KIAA0408: variants seen among roughly 807,000 people sequenced by gnomAD.
The protein encoded by KIAA0408 is uncharacterized protein KIAA0408.
KIAA0408 carries 51 observed loss-of-function variants against 60.9 expected under a neutral mutation model. The observed-to-expected ratio is 0.84, with a 90% CI of 0.67 to 1.06. KIAA0408 has a LOEUF of 1.06. Ranked by LOEUF, KIAA0408 falls within the 50% of genes least tolerant of loss-of-function variation. The pLI is 0.00. For missense variants in KIAA0408, 787 were observed against 833.9 expected (o/e 0.94, Z 0.69); for synonymous variants, 304 against 282.4 (o/e 1.08, Z -0.77).
In KIAA0408 at chr6:127,438,740, T is replaced by C. The variant is rs1773059297; in HGVS notation, c.*5369A>G. 1 of 152,198 alleles carries C rather than the reference T, an allele frequency of 6.6e-6. No individual in the cohort carries two copies. Among genetic ancestry groups the C allele is most frequent in the Non-Finnish European group, 1.5e-5 (1 of 68,038 alleles). 9.4% of individuals were successfully genotyped at this position (152,198 alleles called of 1,614,324 possible). The stretch of plus-strand genomic sequence containing the variant: ...ACATAGAAAAAGTATAGCAAAAATA[T>C]TGTATTATAATCTTATCATCATATA... On this transcript the variant is annotated 3_prime_UTR_variant, in exon 6 of 6. Coordinates refer to ENST00000483725, the MANE Select transcript of KIAA0408 (RefSeq NM_014702.5).
At chr6:127,445,866 A>G (rs1773182789) in intron 5 of KIAA0408, among the ~76,000 whole-genome samples, 1 of 152,108 alleles carries the variant, frequency 6.6e-6, no homozygotes, top group Non-Finnish European at 1.5e-5. Flanking sequence ...ATTTATATAT[A>G]CTATCTTTTA....
chr6:127,440,584 CCAAAGTGCTGGGATTACAGG>C lies in KIAA0408; in HGVS notation c.*3505_*3524del, dbSNP rs1310512540. The stretch of plus-strand genomic sequence containing the variant: ...CTCGTGATCCCCCCACCTTGGCCTC[CCAAAGTGCTGGGATTACAGG>C]CAAGAGCCACCGCGCCCACCAGTTC... On this transcript the variant is annotated 3_prime_UTR_variant, in exon 6 of 6. Coordinates refer to ENST00000483725, the MANE Select transcript of KIAA0408 (RefSeq NM_014702.5). 2 of 152,068 alleles carry C rather than the reference CCAAAGTGCTGGGATTACAGG, an allele frequency of 1.3e-5. No homozygotes were observed. The highest frequency in any genetic ancestry group is 1.5e-5 in the Non-Finnish European group (1 of 68,040). The allele number at this position is 152,068 out of a possible 1,614,324, so 9.4% of individuals were successfully genotyped here. A position where few individuals can be genotyped will look rare whatever the true frequency, so the allele number is the denominator to read the frequency against.
Position 127,440,348 on chromosome 6 carries a change from A to G in KIAA0408, c.*3761T>C, listed in dbSNP as rs1773085447. On this transcript the variant is annotated 3_prime_UTR_variant, in exon 6 of 6. Coordinates refer to ENST00000483725, the MANE Select transcript of KIAA0408 (RefSeq NM_014702.5). ...TCTTTTTTTTTTTTTTTTTTGAGAC[A>G]GAGTCTCACTCTGTCACCCAGGCTG... The G allele has an allele frequency of 7.2e-6, 1 of 138,306 alleles. No individual in the cohort carries two copies. The highest frequency in any genetic ancestry group is 2.3e-4 in the South Asian group (1 of 4,404). 8.6% of individuals were successfully genotyped at this position (138,306 alleles called of 1,614,324 possible). A position where few individuals can be genotyped will look rare whatever the true frequency, so the allele number is the denominator to read the frequency against.
rs186474406 is a variant in KIAA0408 at position 127,449,838 on chromosome 6, G to A, written c.562C>T (p.Arg188Trp). The part of the protein sequence containing the change: ...LCSFQEEIRK[R>W]SNHRRMKSDS... The stretch of plus-strand genomic sequence containing the variant: ...CCAGCCTACCTTCTATGGTTAGACC[G>A]CTTTCGAATTTCCTCTTGAAAGCTG... Residue 188 changes from arginine to tryptophan, a missense_variant, in exon 4 of 6, where the codon CGG (arginine) becomes TGG (tryptophan). Physicochemically the swap from Arg to Trp is moderately radical, Grantham distance 101. Transcript: ENST00000483725. 5.6e-6 allele frequency: 9 copies of A among 1,613,872 alleles called. 1 individual carries two copies. Among genetic ancestry groups the A allele is most frequent in the East Asian group, 4.5e-5 (2 of 44,872 alleles).
intron 2 of KIAA0408, chr6:127,450,601 T>G: frequency 2.6e-6 from 1 of 380,670 alleles, no homozygotes. Flanking sequence ...CAATCAATCA[T>G]TCAAAAATAA....
At position 127,446,694 on chromosome 6, in the gene KIAA0408, C is replaced by T. The variant is rs1158186418; in HGVS notation, c.1625G>A (p.Trp542Ter). The change falls in exon 5 of 6, where the codon TGG becomes TAG. Residue 542 changes from tryptophan (W) to a stop codon, truncating the protein, a stop_gained. Transcript: ENST00000483725. LOFTEE classifies it high-confidence loss of function. ...SYRNMLHEHDWRPSNLSGRPR... is the reference protein window; with the variant it reads ...SYRNMLHEHD Reference sequence around the variant, plus strand: ...ACGGCCAGACAAATTACTCGGTCTCCAGTCATGCTCGTGGAGCATATTTCG... The same window carrying T: ...ACGGCCAGACAAATTACTCGGTCTCTAGTCATGCTCGTGGAGCATATTTCG... 2.5e-6 allele frequency: 4 copies of T among 1,613,882 alleles called. No homozygotes were observed. In the African/African-American group the frequency reaches 5.3e-5, roughly 22 times the overall value.
chr6:127,445,303 A>T (rs1327006526), intron 5 of KIAA0408, among the ~76,000 whole-genome samples: 1 of 152,194 alleles, frequency 6.6e-6, no homozygotes, highest in Non-Finnish European at 1.5e-5. Context: ...CTTGTTAGTT[A>T]ACAAGAATTT....
At chr6:127,445,119 G>C (rs193156809) in intron 5 of KIAA0408, among the ~76,000 whole-genome samples, 279 of 152,244 alleles carry the variant, frequency 1.8e-3, no homozygotes, top group African/African-American at 6.6e-3. Flanking sequence ...TTTAGCCATG[G>C]TCTGACAGTA....
intron 2 of KIAA0408, 68 bp from the exon 3 acceptor site, chr6:127,450,420 C>G (rs925190813): frequency 2.0e-6 from 3 of 1,484,960 alleles, no homozygotes; most frequent in Non-Finnish European, 2.7e-6. Flanking sequence ...ATTCTTGATA[C>G]TAAGCAAACC....
Position 127,446,433 on chromosome 6 carries a change from C to T in KIAA0408, c.1886G>A (p.Gly629Glu). 6.2e-7 allele frequency: 1 copy of T among 1,610,788 alleles called. No individual in the cohort carries two copies. The highest frequency in any genetic ancestry group is 1.3e-5 in the African/African-American group (1 of 74,950). Residue 629 changes from glycine (G) to glutamate (E), a missense_variant, in exon 5 of 6, where the codon GGA becomes GAA. Gly to Glu is a moderately conservative substitution (Grantham distance 98). This residue lies in a region of KIAA0408 where 133 missense variants were observed against 119.2 expected (regional missense o/e 1.12). Coordinates refer to ENST00000483725, the MANE Select transcript of KIAA0408 (RefSeq NM_014702.5). ...AVWGGQEVKQGIDPKKITEES... is the reference protein window; with the variant it reads ...AVWGGQEVKQEIDPKKITEES... Reference sequence around the variant, plus strand: ...CTCTGTTATCTTTTTCGGATCTATTCCTTGCTTCACTTCCTGTCCCCCCCA... The same window carrying T: ...CTCTGTTATCTTTTTCGGATCTATTTCTTGCTTCACTTCCTGTCCCCCCCA...
chr6:127,451,046 T>A (rs1014836722), intron 2 of KIAA0408: 2 of 243,730 alleles, frequency 8.2e-6, no homozygotes, highest in Non-Finnish European at 1.6e-5. Context: ...GAATCCAGAT[T>A]ACTTCTTTAT....
intron 2 of KIAA0408, chr6:127,450,796 T>A (rs1773289797): frequency 6.2e-6 from 1 of 160,020 alleles, no homozygotes; most frequent in Non-Finnish European, 1.4e-5. Context: ...TGCTTGACAA[T>A]CTCAGATAGT....
rs1583063632 is a variant in KIAA0408 at position 127,441,282 on chromosome 6, C to T, written c.*2827G>A. On this transcript the variant is annotated 3_prime_UTR_variant, in exon 6 of 6. Transcript: ENST00000483725. ...AATGAAATATGATCATCTTCATTGT[C>T]GATATAAAAACAAATGAAAGTTATG... is the stretch of plus-strand genomic sequence containing the variant. The T allele has an allele frequency of 2.0e-5, 3 of 152,214 alleles. No individual in the cohort carries two copies. Among genetic ancestry groups the T allele is most frequent in the African/African-American group, 7.3e-5 (3 of 41,286 alleles). 9.4% of individuals were successfully genotyped at this position (152,214 alleles called of 1,614,324 possible). A position where few individuals can be genotyped will look rare whatever the true frequency, so the allele number is the denominator to read the frequency against.
intron 4 of KIAA0408, among the ~76,000 whole-genome samples, chr6:127,448,360 C>T (rs1468040749): frequency 6.6e-6 from 1 of 151,932 alleles, no homozygotes; most frequent in South Asian, 2.1e-4. Flanking sequence ...AAAATGAGTA[C>T]TTTGATATGG....
intron 4 of KIAA0408, among the ~76,000 whole-genome samples, chr6:127,449,456 G>A (rs150399100): frequency 0.035 from 5,264 of 151,966 alleles, 303 homozygotes; most frequent in African/African-American, 0.12. Context: ...TCGAGACCAT[G>A]CTGGCCAACA....
Position 127,444,169 on chromosome 6 carries a change from G to A in KIAA0408, c.2025C>T (p.Ala675=), listed in dbSNP as rs1425876287. The A allele has an allele frequency of 6.2e-7, 1 of 1,613,974 alleles. No individual in the cohort carries two copies. Among genetic ancestry groups the A allele is most frequent in the Admixed American group, 1.7e-5 (1 of 59,966 alleles). ...WASRSPSAPP[A]LRRTTHNYTI... is the part of the protein sequence containing the mutation. ...TATAGTTGTGGGTAGTTCTCCGCAA[G>A]GCAGGGGGTGCAGATGGAGATCTGG... The change falls in exon 6 of 6, where the codon GCC becomes GCT. Residue 675 remains alanine (A), a synonymous_variant. Transcript: ENST00000483725.
At chr6:127,457,920 C>T (rs1007829098) in intron 1 of KIAA0408, among the ~76,000 whole-genome samples, 1 of 152,240 alleles carries the variant, frequency 6.6e-6, no homozygotes, top group African/African-American at 2.4e-5. Flanking sequence ...GGGGCAGCTG[C>T]TCCATTGCTA....
In KIAA0408 at chr6:127,447,757, C is replaced by T; in HGVS notation, c.579-17G>A. 6.6e-7 allele frequency: 1 copy of T among 1,524,400 alleles called. No homozygotes were observed. The highest frequency in any genetic ancestry group is 8.8e-7 in the Non-Finnish European group (1 of 1,142,758). The allele number at this position is 1,524,400 out of a possible 1,614,324, so 94.4% of individuals were successfully genotyped here. A position where few individuals can be genotyped will look rare whatever the true frequency, so the allele number is the denominator to read the frequency against. Reference sequence around the variant, plus strand: ...GACTTCATCCTAAACAATGATAAAACATGGTGTATTGGTTATAACTTTATT... The same window carrying T: ...GACTTCATCCTAAACAATGATAAAATATGGTGTATTGGTTATAACTTTATT... On this transcript the variant is annotated splice_polypyrimidine_tract_variant and intron_variant, in intron 4 of 5. Coordinates refer to ENST00000483725, the MANE Select transcript of KIAA0408 (RefSeq NM_014702.5).
Position 127,450,193 on chromosome 6 carries a change from C to T in KIAA0408, c.295G>A (p.Asp99Asn). 26 of 1,614,038 alleles carry T rather than the reference C, an allele frequency of 1.6e-5. No homozygotes were observed. The highest frequency in any genetic ancestry group is 2.2e-5 in the Non-Finnish European group (26 of 1,179,980). Reference sequence around the variant, plus strand: ...CTTTTATTTTCTTTTCTCAGACCATCTTTGTGATTCGTCCTTATAAATTCA... The same window carrying T: ...CTTTTATTTTCTTTTCTCAGACCATTTTTGTGATTCGTCCTTATAAATTCA... ...QSEFIRTNHK[D>N]GLRKENKREQ... The change falls in exon 3 of 6, where the codon GAT (aspartate) becomes AAT (asparagine). Residue 99 changes from aspartate (D) to asparagine (N), a missense_variant. Transcript: ENST00000483725.
Sources: gnomAD v4.1 joint callset for allele counts (sites outside exome capture counted in the v4.1 genomes callset) on GRCh38, gnomAD v4.1.1 for gene constraint, gnomAD v4.1.1 regional missense constraint, MANE v1.5 for transcripts, NCBI Gene and HGNC (gene_info 2026-07-23, HGNC 2026-07-21) for gene names.